The following INA variants were observed in gnomAD, a reference collection of about 807,000 sequenced individuals.
INA encodes internexin neuronal intermediate filament protein alpha.
INA carries 35 observed loss-of-function variants against 40.1 expected under a neutral mutation model. The observed-to-expected ratio is 0.87, with a 90% CI of 0.67 to 1.16. The LOEUF is 1.16. Ranked by LOEUF, INA falls within the 50% of genes most tolerant of loss-of-function variation. INA has a pLI of 0.00. For missense variants in INA, 594 were observed against 686.7 expected (o/e 0.87, Z 1.51); for synonymous variants, 290 against 316.9 (o/e 0.92, Z 0.90).
chr10:103,288,768 A>G lies in INA; in HGVS notation c.*99A>G. 1 of 741,730 alleles carries G rather than the reference A, an allele frequency of 1.3e-6. No homozygotes were observed. The highest frequency in any genetic ancestry group is 1.9e-5 in the South Asian group (1 of 51,406). 45.9% of individuals were successfully genotyped at this position (741,730 alleles called of 1,614,324 possible). ...AACTATAACACCTGCCACCACTATA[A>G]AATGTCTTCAAGGCTTCAGTCTCAT... On this transcript the variant is annotated 3_prime_UTR_variant, in exon 3 of 3. Transcript: ENST00000369849.
At chr10:103,286,780 C>T (rs1178134376) in intron 1 of INA, among the ~76,000 whole-genome samples, 2 of 152,058 alleles carry the variant, frequency 1.3e-5, no homozygotes, top group Non-Finnish European at 2.9e-5. Flanking sequence ...CACTTGCCCT[C>T]TGGGTAAAAG....
At position 103,278,748 on chromosome 10, in the gene INA, G is replaced by T. The variant is rs1411108296; in HGVS notation, c.1065+472G>T. Among the ~76,000 whole-genome samples, 1 of 152,172 alleles carries T rather than the reference G, an allele frequency of 6.6e-6. No individual in the cohort carries two copies. Among genetic ancestry groups the T allele is most frequent in the Non-Finnish European group, 1.5e-5 (1 of 68,042 alleles). ...AGGGCTGAAGGAAGAATGCGATCCT[G>T]AACTGGGAAGAGTCCTATCCCATTT... On this transcript the variant is annotated intron_variant, in intron 1 of 2. Coordinates refer to ENST00000369849, the MANE Select transcript of INA (RefSeq NM_032727.4). The surrounding 1 kb of genome is among the most constrained non-coding windows in gnomAD (Gnocchi z 4.9).
In INA at chr10:103,277,279, C is replaced by T. The variant is rs778507741; in HGVS notation, c.68C>T (p.Ser23Phe). The T allele has an allele frequency of 6.3e-7, 1 of 1,587,274 alleles. No homozygotes were observed. Among genetic ancestry groups the T allele is most frequent in the South Asian group, 1.1e-5 (1 of 88,720 alleles). ...SSYRKVFGDG[S>F]RLSARLSGAG... ...TACCGCAAGGTGTTCGGGGATGGCT[C>T]TCGCCTGTCCGCCCGCCTCTCTGGG... The change falls in exon 1 of 3, where the codon TCT becomes TTT. Residue 23 changes from serine to phenylalanine, a missense_variant. Transcript: ENST00000369849. The surrounding 1 kb of genome is among the most constrained non-coding windows in gnomAD (Gnocchi z 5.6).
intron 1 of INA, among the ~76,000 whole-genome samples, chr10:103,283,441 C>T (rs1052189905): frequency 6.6e-6 from 1 of 152,156 alleles, no homozygotes; most frequent in Non-Finnish European, 1.5e-5. Context: ...GATCTCTTAA[C>T]ACACTTTGAA....
Position 103,278,665 on chromosome 10 carries a change from T to G in INA, c.1065+389T>G, listed in dbSNP as rs2093066400. ...GTCTCGGCTATCTGGCTTGTTTGGTTGACTTTGAAAAGCTTTCTGTGCGCC... is the reference window on the plus strand; with the variant it reads ...GTCTCGGCTATCTGGCTTGTTTGGTGGACTTTGAAAAGCTTTCTGTGCGCC... On this transcript the variant is annotated intron_variant, in intron 1 of 2. Transcript: ENST00000369849. This position sits in a 1 kb window ranked among gnomAD's most constrained non-coding sequence, Gnocchi z 4.9. Among the ~76,000 whole-genome samples, 1 of 152,122 alleles carries G rather than the reference T, an allele frequency of 6.6e-6. No homozygotes were observed. The highest frequency in any genetic ancestry group is 1.5e-5 in the Non-Finnish European group (1 of 68,028).
Position 103,288,708 on chromosome 10 carries a change from G to A in INA, c.*39G>A. 1 of 1,337,368 alleles carries A rather than the reference G, an allele frequency of 7.5e-7. No individual in the cohort carries two copies. The highest frequency in any genetic ancestry group is 1.4e-5 in the South Asian group (1 of 70,136). 82.8% of individuals were successfully genotyped at this position (1,337,368 alleles called of 1,614,324 possible). ...AAAAAGTTAATGCTTAAGAGGGAAT[G>A]ATATGCATTTGACTTGTTAAACAGC... On this transcript the variant is annotated 3_prime_UTR_variant, in exon 3 of 3. Transcript: ENST00000369849.
rs781469741 is a variant in INA at position 103,288,386 on chromosome 10, G to A, written c.1217G>A (p.Arg406His). 1.1e-5 allele frequency: 17 copies of A among 1,604,122 alleles called. No homozygotes were observed. The highest frequency in any genetic ancestry group is 4.4e-5 in the South Asian group (4 of 90,248). The stretch of plus-strand genomic sequence containing the variant: ...AAACTGCTGGAAGGCGAGGAGACAC[G>A]TTTTAGCACCAGTGGGTTAAGCATT... ...YRKLLEGEET[R>H]FSTSGLSISG... The change falls in exon 3 of 3, where the codon CGT becomes CAT. Residue 406 changes from arginine to histidine, a missense_variant. Transcript: ENST00000369849.
chr10:103,280,469 G>GC, intron 1 of INA: 1 of 985,420 alleles, frequency 1.0e-6, no homozygotes, highest in Non-Finnish European at 1.2e-6. Context: ...TTGTTTTCTT[G>GC]CCCTCTCATC....
At position 103,277,893 on chromosome 10, in the gene INA, C is replaced by T. The variant is rs1204195910; in HGVS notation, c.682C>T (p.Arg228Cys). The change falls in exon 1 of 3, where the codon CGC (arginine) becomes TGC (cysteine). Residue 228 changes from arginine (R) to cysteine (C), a missense_variant. Arg to Cys is a radical substitution (Grantham distance 180, BLOSUM62 -3). This residue lies in a region of INA where 379 missense variants were observed against 496.1 expected (regional missense o/e 0.76). Transcript: ENST00000369849. The surrounding 1 kb of genome is among the most constrained non-coding windows in gnomAD (Gnocchi z 5.6). Reference sequence around the variant, plus strand: ...GCTGCTGGACGAGCTGGCCTTCGTACGCCAGGTGCACGACGAGGAGGTAGC... The same window carrying T: ...GCTGCTGGACGAGCTGGCCTTCGTATGCCAGGTGCACGACGAGGAGGTAGC... ...ESLLDELAFV[R>C]QVHDEEVAEL... 1.3e-6 allele frequency: 2 copies of T among 1,550,404 alleles called. No individual in the cohort carries two copies. Among genetic ancestry groups the T allele is most frequent in the Non-Finnish European group, 1.7e-6 (2 of 1,146,916 alleles).
rs2093066364 is a variant in INA, at chr10:103,278,642, C to G, written c.1065+366C>G. Among the ~76,000 whole-genome samples the G allele has an allele frequency of 6.6e-6, 1 of 152,122 alleles. No homozygotes were observed. The highest frequency in any genetic ancestry group is 2.1e-4 in the South Asian group (1 of 4,824). On this transcript the variant is annotated intron_variant, in intron 1 of 2. Coordinates refer to ENST00000369849, the MANE Select transcript of INA (RefSeq NM_032727.4). The surrounding 1 kb of genome is among the most constrained non-coding windows in gnomAD (Gnocchi z 4.9). ...GGGCAGGTTACGTGGGCGGTGCTGT[C>G]TCGGCTATCTGGCTTGTTTGGTTGA...
chr10:103,283,908 G>C (rs368353744), intron 1 of INA, among the ~76,000 whole-genome samples: 2 of 151,710 alleles, frequency 1.3e-5, no homozygotes, highest in Non-Finnish European at 2.9e-5. Flanking sequence ...ACGCCACCAC[G>C]CCCAGCTAAT....
At chr10:103,280,070 A>G (rs1472582222) in intron 1 of INA, 1 of 1,239,684 alleles carries the variant, frequency 8.1e-7, no homozygotes, top group Admixed American at 3.0e-5. Flanking sequence ...TATAGCCCAT[A>G]CATTCTAAGA....
At chr10:103,280,442 A>G (rs2093070212) in intron 1 of INA, 1 of 985,336 alleles carries the variant, frequency 1.0e-6, no homozygotes, top group African/African-American at 1.7e-5. Context: ...CTCCCTTTCT[A>G]CAGTGAGATT....
intron 1 of INA, among the ~76,000 whole-genome samples, chr10:103,284,960 G>A (rs183163250): frequency 1.6e-3 from 237 of 149,872 alleles, no homozygotes; most frequent in African/African-American, 5.7e-3. Flanking sequence ...TCTGAGGAGA[G>A]GACATTATAT....
At chr10:103,281,513 C>T (rs1014885722) in intron 1 of INA, among the ~76,000 whole-genome samples, 5 of 151,950 alleles carry the variant, frequency 3.3e-5, no homozygotes, top group African/African-American at 1.2e-4. Flanking sequence ...AAGTAGTTTA[C>T]GGAGATACGT....
intron 1 of INA, among the ~76,000 whole-genome samples, chr10:103,286,335 CAA>C (rs71019675): frequency 8.5e-4 from 44 of 51,702 alleles, no homozygotes; most frequent in African/African-American, 2.7e-3. Flanking sequence ...GACCTTGTCT[CAA>C]AAAAAAAAAA....
In INA at chr10:103,277,397, C is replaced by T. The variant is rs376053740; in HGVS notation, c.186C>T (p.Leu62=). Residue 62 remains leucine (L), a synonymous_variant, in exon 1 of 3, where the codon CTC becomes CTT. Coordinates refer to ENST00000369849, the MANE Select transcript of INA (RefSeq NM_032727.4). This position sits in a 1 kb window ranked among gnomAD's most constrained non-coding sequence, Gnocchi z 5.6. ...GCTCCTCGGCCTCGTCGCTCGGCCT[C>T]GGCCTGGCCTATCGCCGGCCGCCGG... is the stretch of plus-strand genomic sequence containing the variant. ...AACSSASSLG[L]GLAYRRPPAS... is the part of the protein sequence containing the mutation. 4.9e-5 allele frequency: 77 copies of T among 1,556,908 alleles called. No individual in the cohort carries two copies. In the African/African-American group the frequency reaches 9.5e-4, roughly 19 times the overall value.
Position 103,277,877 on chromosome 10 carries a change from C to T in INA, c.666C>T (p.Asp222=), listed in dbSNP as rs1280631447. The change falls in exon 1 of 3, where the codon GAC becomes GAT. Residue 222 remains aspartate, a synonymous_variant. Coordinates refer to ENST00000369849, the MANE Select transcript of INA (RefSeq NM_032727.4). The surrounding 1 kb of genome is among the most constrained non-coding windows in gnomAD (Gnocchi z 5.6). ...AGAAGAAGGTGGAGTCGCTGCTGGA[C>T]GAGCTGGCCTTCGTACGCCAGGTGC... ...DLEKKVESLL[D]ELAFVRQVHD... 1.3e-6 allele frequency: 2 copies of T among 1,549,670 alleles called. No individual in the cohort carries two copies. The highest frequency in any genetic ancestry group is 8.7e-7 in the Non-Finnish European group (1 of 1,146,856).
chr10:103,277,456 C>T lies in INA; in HGVS notation c.245C>T (p.Ala82Val). The change falls in exon 1 of 3, where the codon GCG becomes GTG. Residue 82 changes from alanine (A) to valine (V), a missense_variant. This residue lies in a region of INA where 215 missense variants were observed against 190.6 expected (regional missense o/e 1.13). Transcript: ENST00000369849. The surrounding 1 kb of genome is among the most constrained non-coding windows in gnomAD (Gnocchi z 5.6). ...GGGCTGGACCTGAGCCAGGCGGCGGCGCGCACCAACGAGTACAAGATCATC... is the reference window on the plus strand; with the variant it reads ...GGGCTGGACCTGAGCCAGGCGGCGGTGCGCACCAACGAGTACAAGATCATC... ...SDGLDLSQAA[A>V]RTNEYKIIRT... 1 of 1,573,874 alleles carries T rather than the reference C, an allele frequency of 6.4e-7. No homozygotes were observed.
Sources: allele counts gnomAD v4.1 joint callset (sites outside exome capture counted in the v4.1 genomes callset), GRCh38; gene constraint gnomAD v4.1.1; regional missense constraint gnomAD v4.1.1; non-coding constraint Gnocchi (gnomAD v3.1); transcripts MANE v1.5; gene names NCBI Gene and HGNC (gene_info 2026-07-23, HGNC 2026-07-21).